The following PCDH19 variants were observed in gnomAD, a reference collection of about 807,000 sequenced individuals.
PCDH19 encodes the protein protocadherin 19.
PCDH19 carries 6 observed loss-of-function variants against 46.2 expected under a neutral mutation model. The ratio of observed to expected loss-of-function variants is 0.13; its 90% confidence interval spans 0.07 to 0.26. The LOEUF (loss-of-function observed/expected upper bound fraction) is 0.26, where lower values mean the gene tolerates loss of function less well. PCDH19 is among the 10% of genes least tolerant of loss of function. The pLI is 1.00. For synonymous variants in PCDH19, 481 were observed against 415.7 expected, an observed-to-expected ratio of 1.16 and a Z score of -1.91; for missense variants, 740 against 972.3, an observed-to-expected ratio of 0.76 and a Z score of 3.18.
chrX:100,297,796 AG>A (rs1012879234), intron 5 of PCDH19, among the ~76,000 whole-genome samples: 1 of 111,256 alleles, frequency 9.0e-6, no homozygotes, highest in African/African-American at 3.3e-5. Context: ...CTTACTGCAC[AG>A]GCTTTACCAA....
intron 3 of PCDH19, among the ~76,000 whole-genome samples, chrX:100,371,190 C>T (rs1371547192): frequency 9.0e-6 from 1 of 111,613 alleles, no homozygotes; most frequent in Non-Finnish European, 1.9e-5. Flanking sequence ...GTAATCATGT[C>T]ATCGTGGTCC....
rs766777115 is a variant in PCDH19 at position 100,410,055 on chromosome X, G to A, written c.-1458C>T. 817 of 294,979 alleles carry A rather than the reference G, an allele frequency of 2.8e-3. 8 individuals are homozygous for A. The highest frequency in any genetic ancestry group is 0.023 in the East Asian group (474 of 20,813). The allele number at this position is 294,979 out of a possible 1,213,427, so 24.3% of individuals were successfully genotyped here. A position where few individuals can be genotyped will look rare whatever the true frequency, so the allele number is the denominator to read the frequency against. On this transcript the variant is annotated 5_prime_UTR_variant, in exon 1 of 6. Transcript: ENST00000373034. ...GGAGGCAATGGGTTTGGGGTAGGAGGTTTAGGATTTCGGATGAAATCGCTC... is the reference window on the plus strand; with the variant it reads ...GGAGGCAATGGGTTTGGGGTAGGAGATTTAGGATTTCGGATGAAATCGCTC...
At chrX:100,392,685 G>A (rs1159875858) in intron 3 of PCDH19, among the ~76,000 whole-genome samples, 1 of 111,680 alleles carries the variant, frequency 9.0e-6, no homozygotes, top group East Asian at 2.8e-4. Flanking sequence ...CATGGCCTCT[G>A]TGCCTGGCAG....
chrX:100,336,077 A>G lies in PCDH19; in HGVS notation c.2848+5826T>C, dbSNP rs146277786. 4.0e-3 allele frequency among the ~76,000 whole-genome samples: 444 copies of G among 112,328 alleles called. 3 individuals carry two copies. The highest frequency in any genetic ancestry group is 6.4e-3 in the Non-Finnish European group (340 of 53,244). ...CAACCGCTTTGTTCACGTAAAGATA[A>G]AACTTTTTGACAGCAAATGCTATTC... On this transcript the variant is annotated intron_variant, in intron 5 of 5. Coordinates refer to ENST00000373034, the MANE Select transcript of PCDH19 (RefSeq NM_001184880.2).
chrX:100,389,277 T>C (rs1430221850), intron 3 of PCDH19, among the ~76,000 whole-genome samples: 1 of 110,856 alleles, frequency 9.0e-6, no homozygotes, highest in Non-Finnish European at 1.9e-5. Flanking sequence ...GCACCTTGAA[T>C]AGTGACTAAC....
intron 5 of PCDH19, among the ~76,000 whole-genome samples, chrX:100,333,989 C>A (rs10217904): frequency 0.29 from 31,817 of 108,657 alleles, 3,649 homozygotes; most frequent in Non-Finnish European, 0.35. Flanking sequence ...AGGGTTTCAC[C>A]ATGTTGGCAA....
At chrX:100,347,103 A>G (rs1054219435) in intron 4 of PCDH19, among the ~76,000 whole-genome samples, 3 of 110,493 alleles carry the variant, frequency 2.7e-5, no homozygotes, top group African/African-American at 9.9e-5. Flanking sequence ...ATATAATGCT[A>G]GATTCCTTGG....
chrX:100,334,165 T>C (rs956590063), intron 5 of PCDH19, among the ~76,000 whole-genome samples: 8 of 110,872 alleles, frequency 7.2e-5, no homozygotes, highest in Non-Finnish European at 9.4e-5. Context: ...TCCAAGTAGA[T>C]TGGGAAAACA....
Position 100,296,533 on chromosome X carries a change from G to A in PCDH19, c.3191C>T (p.Pro1064Leu), listed in dbSNP as rs1285095488. The A allele has an allele frequency of 2.5e-6, 3 of 1,211,055 alleles. No homozygotes were observed. The Admixed American group carries it at 6.5e-5, about 26-fold the overall frequency. The stretch of plus-strand genomic sequence containing the variant: ...CTTGAGGTGGAGGGGGGAGGTGACA[G>A]GGCTAATCGCCTCACAGCCATTGCC... ...EAGNGCEAISPVTSPLHLKSS... is the reference protein window; with the variant it reads ...EAGNGCEAISLVTSPLHLKSS... The change falls in exon 6 of 6, where the codon CCT becomes CTT. Residue 1064 changes from proline to leucine, a missense_variant. Physicochemically the swap from Pro to Leu is moderately conservative, Grantham distance 98. Around this residue, in one of 5 missense-constraint regions of PCDH19, gnomAD observed 416 missense variants for 476.8 expected, o/e 0.87. Coordinates refer to ENST00000373034, the MANE Select transcript of PCDH19 (RefSeq NM_001184880.2).
At chrX:100,359,436 A>G (rs1926812670) in intron 3 of PCDH19, among the ~76,000 whole-genome samples, 1 of 112,298 alleles carries the variant, frequency 8.9e-6, no homozygotes, top group Admixed American at 9.4e-5. Context: ...GTTCCCTGAA[A>G]CCTTGGTGAC....
intron 5 of PCDH19, among the ~76,000 whole-genome samples, chrX:100,324,796 G>A (rs1925628030): frequency 9.0e-6 from 1 of 111,071 alleles, no homozygotes; most frequent in Non-Finnish European, 1.9e-5. Context: ...TCATCTTGCC[G>A]CTACTCTTTT....
At chrX:100,394,571 G>C (rs1189936943) in intron 3 of PCDH19, among the ~76,000 whole-genome samples, 1 of 111,864 alleles carries the variant, frequency 8.9e-6, no homozygotes. Context: ...ATGGGCTTCT[G>C]TTCTTTGAGC....
In PCDH19 at chrX:100,404,278, G is replaced by A. The variant is rs1415556443; in HGVS notation, c.2148-614C>T. On this transcript the variant is annotated intron_variant, in intron 1 of 5. Coordinates refer to ENST00000373034, the MANE Select transcript of PCDH19 (RefSeq NM_001184880.2). ...GCAATTGAGTTCCCCTCACCCCTTC[G>A]CTCTGTGCTCAGGAAGATTTGCAGT... Among the ~76,000 whole-genome samples the A allele has an allele frequency of 6.3e-5, 7 of 111,681 alleles. No individual in the cohort carries two copies. The East Asian group carries it at 1.1e-3, about 18-fold the overall frequency.
chrX:100,338,436 C>T (rs989587814), intron 5 of PCDH19, among the ~76,000 whole-genome samples: 1 of 103,289 alleles, frequency 9.7e-6, no homozygotes, highest in African/African-American at 3.6e-5. Flanking sequence ...GCAGGAGAAT[C>T]GCTTGAACCC....
intron 3 of PCDH19, among the ~76,000 whole-genome samples, chrX:100,364,104 G>T (rs933537521): frequency 9.0e-6 from 1 of 110,926 alleles, no homozygotes; most frequent in Admixed American, 9.6e-5. Context: ...GGGAGTGAGG[G>T]AACCTCATGC....
chrX:100,341,386 A>G (rs1228525091), intron 5 of PCDH19, among the ~76,000 whole-genome samples: 1 of 111,809 alleles, frequency 8.9e-6, no homozygotes, highest in Admixed American at 9.5e-5. Flanking sequence ...TAGCAGCCCC[A>G]TAGACAAAAT....
intron 3 of PCDH19, among the ~76,000 whole-genome samples, chrX:100,352,622 T>C (rs775196590): frequency 8.9e-6 from 1 of 111,993 alleles, no homozygotes; most frequent in African/African-American, 3.2e-5. Context: ...CTTGGTACTG[T>C]TCTCTCGATA....
At chrX:100,315,301 C>A (rs1418909244) in intron 5 of PCDH19, among the ~76,000 whole-genome samples, 1 of 112,342 alleles carries the variant, frequency 8.9e-6, no homozygotes, top group Admixed American at 9.4e-5. Flanking sequence ...GAATGGTTAA[C>A]ATGTACTATA....
At chrX:100,333,737 GT>G (rs201353958) in intron 5 of PCDH19, among the ~76,000 whole-genome samples, 1 of 107,986 alleles carries the variant, frequency 9.3e-6, no homozygotes, top group Non-Finnish European at 1.9e-5. Flanking sequence ...ACCACAGGTA[GT>G]TTTTTTTCTG....
Sources: gnomAD v4.1 joint callset for allele counts (sites outside exome capture counted in the v4.1 genomes callset) on GRCh38, gnomAD v4.1.1 for gene constraint, gnomAD v4.1.1 regional missense constraint, MANE v1.5 for transcripts, NCBI Gene and HGNC (gene_info 2026-07-23, HGNC 2026-07-21) for gene names.